The following GNB4 variants were observed in gnomAD, a reference collection of about 807,000 sequenced individuals.
GNB4 encodes G protein subunit beta 4.
A neutral mutation model predicts 45.2 loss-of-function variants in GNB4; 28 were observed. The observed-to-expected ratio is 0.62, with a 90% CI of 0.46 to 0.85. The LOEUF (loss-of-function observed/expected upper bound fraction) is 0.85, where lower values mean the gene tolerates loss of function less well. Ranked by LOEUF, GNB4 falls within the 40% of genes least tolerant of loss-of-function variation. The pLI is 0.00. For missense variants in GNB4, 321 were observed against 425.4 expected (o/e 0.75, Z 2.16); for synonymous variants, 132 against 143.7 (o/e 0.92, Z 0.58).
At chr3:179,465,165 T>G in the GNB4 span, 1 of 1,268,472 alleles carries the variant, frequency 7.9e-7, no homozygotes, top group Non-Finnish European at 1.2e-6. Context: ...GTCACTGATA[T>G]GGGAATAAAT....
the GNB4 span, chr3:179,464,819 G>T: frequency 1.5e-6 from 2 of 1,344,374 alleles, no homozygotes; most frequent in African/African-American, 1.4e-5. Flanking sequence ...TGGCTTTCAT[G>T]TAATTAATGC....
the GNB4 span, among the ~76,000 whole-genome samples, chr3:179,481,618 G>A: frequency 6.6e-6 from 1 of 152,078 alleles, no homozygotes; most frequent in Non-Finnish European, 1.5e-5. Context: ...AGCATTATAG[G>A]GGTGATCCAC....
At chr3:179,418,612 C>A (rs139103695) in intron 4 of GNB4, among the ~76,000 whole-genome samples, 141 of 152,152 alleles carry the variant, frequency 9.3e-4, no homozygotes, top group African/African-American at 3.2e-3. Context: ...CCAATTAGAG[C>A]AACAATTGAG....
upstream of GNB4, among the ~76,000 whole-genome samples, chr3:179,456,458 C>T (rs1402483772): frequency 6.6e-6 from 1 of 152,124 alleles, no homozygotes; most frequent in East Asian, 1.9e-4. Context: ...TTCCTTCCTC[C>T]CATAGAGTAT....
At chr3:179,465,439 C>A in the GNB4 span, 1 of 392,438 alleles carries the variant, frequency 2.5e-6, no homozygotes, top group Non-Finnish European at 4.6e-6. Context: ...CCCGTCTCTA[C>A]TAAAAATACA....
At chr3:179,486,747 C>A in the GNB4 span, among the ~76,000 whole-genome samples, 4 of 152,186 alleles carry the variant, frequency 2.6e-5, no homozygotes, top group Admixed American at 6.5e-5. Context: ...GCCCCAAATC[C>A]AGCAAGCTGA....
chr3:179,406,942 C>T (rs1300821101), intron 8 of GNB4, among the ~76,000 whole-genome samples: 1 of 152,098 alleles, frequency 6.6e-6, no homozygotes, highest in Non-Finnish European at 1.5e-5. Flanking sequence ...TTAAAAAGTA[C>T]TTCATAAGAC....
intron 1 of GNB4, among the ~76,000 whole-genome samples, chr3:179,448,573 T>C (rs114560698): frequency 2.6e-4 from 40 of 152,300 alleles, no homozygotes; most frequent in Middle Eastern, 3.4e-3. Flanking sequence ...CCACATCTTG[T>C]TAATTTTATT....
At chr3:179,418,470 C>CA (rs386356535) in intron 4 of GNB4, among the ~76,000 whole-genome samples, 1,179 of 95,206 alleles carry the variant, frequency 0.012, 21 homozygotes, top group African/African-American at 0.032. Context: ...AACTCTGTCT[C>CA]AAAAAAAAAA....
the GNB4 span, among the ~76,000 whole-genome samples, chr3:179,489,641 TA>T: frequency 1.3e-5 from 2 of 151,896 alleles, no homozygotes; most frequent in South Asian, 2.1e-4. Context: ...ACCCTATCTC[TA>T]AAAAAAATGT....
At chr3:179,415,177 T>C (rs540108143) in intron 5 of GNB4, 130 bp from the exon 6 acceptor site, 126 of 630,500 alleles carry the variant, frequency 2.0e-4, no homozygotes, top group Admixed American at 2.8e-4. Context: ...TAAAATAATG[T>C]AATGGCTTGA....
At chr3:179,499,721 A>C in the GNB4 span, among the ~76,000 whole-genome samples, 415 of 152,320 alleles carry the variant, frequency 2.7e-3, 2 homozygotes, top group African/African-American at 9.5e-3. Context: ...GTGTAAAAGC[A>C]TTCCCATTTC....
the GNB4 span, among the ~76,000 whole-genome samples, chr3:179,502,929 C>T: frequency 3.2e-3 from 480 of 152,186 alleles, 2 homozygotes; most frequent in African/African-American, 0.011. Context: ...AACCTCAAAC[C>T]CCTGGGTTCA....
the GNB4 span, among the ~76,000 whole-genome samples, chr3:179,494,523 T>A: frequency 1.6e-4 from 13 of 81,836 alleles, no homozygotes; most frequent in East Asian, 6.2e-4. Context: ...AGAAAAAAAA[T>A]GAATGAACAA....
the GNB4 span, among the ~76,000 whole-genome samples, chr3:179,457,874 T>C: frequency 6.6e-6 from 1 of 151,926 alleles, no homozygotes; most frequent in Non-Finnish European, 1.5e-5. Flanking sequence ...CCTTTACAGC[T>C]TCATGTTTCC....
rs1714204712 is a variant in GNB4 at position 179,399,013 on chromosome 3, C to T, written c.*2200G>A. On this transcript the variant is annotated 3_prime_UTR_variant, in exon 10 of 10. Transcript: ENST00000232564. ...AACTTTTAAGTAGAGGAGATACTCT[C>T]TTACATATTTAAGGTTATTTTTATG... 1 of 152,242 alleles carries T rather than the reference C, an allele frequency of 6.6e-6. No individual in the cohort carries two copies. Among genetic ancestry groups the T allele is most frequent in the East Asian group, 1.9e-4 (1 of 5,186 alleles). The allele number at this position is 152,242 out of a possible 1,614,324, so 9.4% of individuals were successfully genotyped here. A position where few individuals can be genotyped will look rare whatever the true frequency, so the allele number is the denominator to read the frequency against.
At chr3:179,484,650 C>T in the GNB4 span, among the ~76,000 whole-genome samples, 46 of 151,638 alleles carry the variant, frequency 3.0e-4, no homozygotes, top group African/African-American at 1.0e-3. Context: ...TTTTAAATGG[C>T]CCTTAGGCAT....
intron 2 of GNB4, among the ~76,000 whole-genome samples, chr3:179,425,440 T>C (rs933672695): frequency 4.6e-5 from 7 of 152,046 alleles, no homozygotes; most frequent in Admixed American, 1.3e-4. Flanking sequence ...GAGTAAAAGG[T>C]GTCAGACATG....
At chr3:179,414,306 A>G (rs539561018) in intron 6 of GNB4, among the ~76,000 whole-genome samples, 2 of 152,348 alleles carry the variant, frequency 1.3e-5, no homozygotes, top group East Asian at 3.9e-4. Context: ...CTTAGCATTC[A>G]TCAGTGTTTC....
Sources: allele counts gnomAD v4.1 joint callset (sites outside exome capture counted in the v4.1 genomes callset), GRCh38; gene constraint gnomAD v4.1.1; transcripts MANE v1.5; gene names NCBI Gene and HGNC (gene_info 2026-07-23, HGNC 2026-07-21).